Variants in DMRT1 observed in about 807,000 individuals in gnomAD.
DMRT1 encodes the protein doublesex and mab-3 related transcription factor 1.
In DMRT1, 7 loss-of-function variants were observed where a neutral mutation model predicts 32.3. The ratio of observed to expected loss-of-function variants is 0.22; its 90% CI spans 0.12 to 0.41. The LOEUF (loss-of-function observed/expected upper bound fraction) is 0.41, where lower values mean the gene tolerates loss of function less well. DMRT1 is among the 10% of genes least tolerant of loss of function. The pLI is 1.00. For synonymous variants in DMRT1, 278 were observed against 206.1 expected (o/e 1.35, Z -2.99); for missense variants, 625 against 500.5 (o/e 1.25, Z -2.37).
chr9:878,622 G>A (rs191269349), intron 2 of DMRT1, among the ~76,000 whole-genome samples: 12 of 152,264 alleles, frequency 7.9e-5, no homozygotes, highest in Non-Finnish European at 1.6e-4. Flanking sequence ...CTGGCCAGGT[G>A]CAGCCCAGCC....
chr9:943,575 A>T (rs1819147345), intron 4 of DMRT1, among the ~76,000 whole-genome samples: 1 of 152,208 alleles, frequency 6.6e-6, no homozygotes, highest in Non-Finnish European at 1.5e-5. Flanking sequence ...TACATCCTGA[A>T]TTTGGGGTGC....
At position 859,584 on chromosome 9, in the gene DMRT1, T is replaced by C. The variant is rs538779951; in HGVS notation, c.538+12441T>C. On this transcript the variant is annotated intron_variant, in intron 2 of 4. Coordinates refer to ENST00000382276, the MANE Select transcript of DMRT1 (RefSeq NM_021951.3). ...CTTTCCAAATCACAAAAAAATCCAA[T>C]TCGGTGTTTTTGAGTCTCCTATGAA... 3.2e-4 allele frequency among the ~76,000 whole-genome samples: 48 copies of C among 152,266 alleles called. No individual in the cohort carries two copies. The South Asian group carries it at 9.5e-3, about 30-fold the overall frequency.
At chr9:892,140 T>G (rs923933303) in intron 2 of DMRT1, among the ~76,000 whole-genome samples, 2 of 152,236 alleles carry the variant, frequency 1.3e-5, no homozygotes, top group Non-Finnish European at 2.9e-5. Context: ...AGTTGTCTGT[T>G]GGTCTTTTCT....
intron 4 of DMRT1, among the ~76,000 whole-genome samples, chr9:929,972 C>T (rs1162191458): frequency 6.6e-6 from 1 of 152,136 alleles, no homozygotes; most frequent in African/African-American, 2.4e-5. Flanking sequence ...TGCAGAACAG[C>T]CTTGCGTCTG....
chr9:852,547 T>G (rs564497859), intron 2 of DMRT1, among the ~76,000 whole-genome samples: 2 of 152,342 alleles, frequency 1.3e-5, no homozygotes, highest in South Asian at 2.1e-4. Context: ...TTTGACACAG[T>G]ACTTAATGCA....
At chr9:903,269 C>G (rs1304665061) in intron 3 of DMRT1, among the ~76,000 whole-genome samples, 1 of 152,006 alleles carries the variant, frequency 6.6e-6, no homozygotes, top group Non-Finnish European at 1.5e-5. Context: ...TTGCCCACCC[C>G]CACCCACATT....
At chr9:890,854 A>G (rs1817118535) in intron 2 of DMRT1, among the ~76,000 whole-genome samples, 1 of 151,994 alleles carries the variant, frequency 6.6e-6, no homozygotes, top group Non-Finnish European at 1.5e-5. Flanking sequence ...AGCTGGGTCT[A>G]CAGGTACGCA....
At chr9:915,289 G>A (rs1818134610) in intron 3 of DMRT1, among the ~76,000 whole-genome samples, 1 of 152,132 alleles carries the variant, frequency 6.6e-6, no homozygotes, top group Admixed American at 6.6e-5. Flanking sequence ...CATGGAAGTG[G>A]GTCTTACACA....
rs188484120 is a variant in DMRT1, at chr9:968,801, T to C, written c.*662T>C. The stretch of plus-strand genomic sequence containing the variant: ...GTGCAATTTAAAGTGACCTTAGTGA[T>C]GCAGAGTTCCTGAGTGGTGTTTGTA... On this transcript the variant is annotated 3_prime_UTR_variant, in exon 5 of 5. Transcript: ENST00000382276. The C allele has an allele frequency of 2.0e-5, 3 of 153,108 alleles. No homozygotes were observed. Among genetic ancestry groups the C allele is most frequent in the Admixed American group, 1.3e-4 (2 of 15,340 alleles). 9.5% of individuals were successfully genotyped at this position (153,108 alleles called of 1,614,324 possible). A position where few individuals can be genotyped will look rare whatever the true frequency, so the allele number is the denominator to read the frequency against.
intron 3 of DMRT1, among the ~76,000 whole-genome samples, chr9:914,430 C>T (rs528006079): frequency 4.1e-4 from 63 of 152,004 alleles, no homozygotes; most frequent in Middle Eastern, 3.4e-3. Context: ...AAAAATTAGC[C>T]AGGCATGGTG....
chr9:909,471 A>C (rs1043001682), intron 3 of DMRT1, among the ~76,000 whole-genome samples: 1 of 152,122 alleles, frequency 6.6e-6, no homozygotes, highest in African/African-American at 2.4e-5. Flanking sequence ...GCTTGGGAAC[A>C]GGCATCCCAT....
chr9:914,131 A>C (rs150094650), intron 3 of DMRT1, among the ~76,000 whole-genome samples: 23 of 152,292 alleles, frequency 1.5e-4, no homozygotes, highest in Admixed American at 1.4e-3. Context: ...TGTGTGTAGT[A>C]AACAGCTACC....
intron 2 of DMRT1, among the ~76,000 whole-genome samples, chr9:852,650 C>T (rs1392691654): frequency 2.0e-5 from 3 of 152,136 alleles, no homozygotes; most frequent in Non-Finnish European, 4.4e-5. Context: ...CATGTGTGTC[C>T]TTTGTAAGGA....
At chr9:888,008 T>G (rs1368792424) in intron 2 of DMRT1, among the ~76,000 whole-genome samples, 1 of 152,232 alleles carries the variant, frequency 6.6e-6, no homozygotes, top group Non-Finnish European at 1.5e-5. Context: ...TTGTAACACC[T>G]GCTCCTCTGG....
intron 2 of DMRT1, among the ~76,000 whole-genome samples, chr9:870,123 C>T (rs1433140209): frequency 6.6e-6 from 1 of 152,188 alleles, no homozygotes; most frequent in Admixed American, 6.5e-5. Flanking sequence ...GCTTGCCGGG[C>T]GCGGTGGCTC....
intron 2 of DMRT1, among the ~76,000 whole-genome samples, chr9:863,853 C>T (rs961199735): frequency 6.6e-6 from 1 of 152,184 alleles, no homozygotes; most frequent in African/African-American, 2.4e-5. Context: ...ATTTTATTCT[C>T]TGAACCATCT....
chr9:927,044 C>G lies in DMRT1; in HGVS notation c.967+10137C>G, dbSNP rs116396853. On this transcript the variant is annotated intron_variant, in intron 4 of 4. Transcript: ENST00000382276. Reference sequence around the variant, plus strand: ...GGTTAGAGCTTCCAGCATCCTCACTCATGAGATTTCCTCATTTGAATCTGA... The same window carrying G: ...GGTTAGAGCTTCCAGCATCCTCACTGATGAGATTTCCTCATTTGAATCTGA... 2.8e-4 allele frequency among the ~76,000 whole-genome samples: 43 copies of G among 152,314 alleles called. 1 individual carries two copies. The highest frequency in any genetic ancestry group is 6.2e-4 in the South Asian group (3 of 4,828).
At chr9:921,299 A>G (rs1564252393) in intron 4 of DMRT1, among the ~76,000 whole-genome samples, 1 of 152,200 alleles carries the variant, frequency 6.6e-6, no homozygotes, top group Non-Finnish European at 1.5e-5. Flanking sequence ...ATTCAGCTAC[A>G]CTGTCGTATA....
At chr9:880,724 C>CAAAAAAAAAAA (rs754419367) in intron 2 of DMRT1, among the ~76,000 whole-genome samples, 10 of 61,932 alleles carry the variant, frequency 1.6e-4, no homozygotes, top group Non-Finnish European at 2.5e-4. Context: ...AACTCAGTCT[C>CAAAAAAAAAAA]AAAAAAAAAA....
Sources: gnomAD v4.1 joint callset for allele counts (sites outside exome capture counted in the v4.1 genomes callset) on GRCh38, gnomAD v4.1.1 for gene constraint, MANE v1.5 for transcripts, NCBI Gene and HGNC (gene_info 2026-07-23, HGNC 2026-07-21) for gene names.